ZFHX3: variants seen among roughly 807,000 people sequenced by gnomAD.
The protein encoded by ZFHX3 is zinc finger homeobox 3, also known as zinc finger homeobox protein 3.
ZFHX3 carries 42 observed loss-of-function variants against 279.1 expected under a neutral mutation model. That is an observed-to-expected ratio of 0.15 (90% CI 0.12 to 0.19). The LOEUF is 0.19. Among genes scored for constraint, ZFHX3 ranks in the 10% least tolerant of loss-of-function variants. The probability of loss-of-function intolerance (pLI) is 1.00; values close to 1 mark genes in which losing one functional copy is unlikely to be tolerated. For missense variants in ZFHX3, 4,981 were observed against 4,754.0 expected, an observed-to-expected ratio of 1.05 and a Z score of -1.40; for synonymous variants, 2,293 against 1,957.8, an observed-to-expected ratio of 1.17 and a Z score of -4.52.
intron 1 of ZFHX3, among the ~76,000 whole-genome samples, chr16:72,978,535 G>C (rs1962453116): frequency 6.6e-6 from 1 of 152,108 alleles, no homozygotes; most frequent in African/African-American, 2.4e-5. Context: ...CTTCCTCTGG[G>C]CTAAGTCCAC....
At chr16:73,434,572 A>C (rs138336089) in intron 3 of ZFHX3, among the ~76,000 whole-genome samples, 2,472 of 151,848 alleles carry the variant, frequency 0.016, 27 homozygotes, top group Middle Eastern at 0.037. Context: ...ACCCCTTTCC[A>C]CTTGACTTTG....
At chr16:73,264,883 T>C (rs1194769492) in intron 4 of ZFHX3, among the ~76,000 whole-genome samples, 1 of 152,078 alleles carries the variant, frequency 6.6e-6, no homozygotes, top group Non-Finnish European at 1.5e-5. Context: ...TCCAATCCCA[T>C]CCAGGTTGCT....
chr16:73,505,860 C>T (rs2143675253), intron 2 of ZFHX3, among the ~76,000 whole-genome samples: 1 of 152,350 alleles, frequency 6.6e-6, no homozygotes, highest in Middle Eastern at 3.4e-3. Context: ...TGAATAGGCT[C>T]ATGAGAGCAG....
intron 3 of ZFHX3, among the ~76,000 whole-genome samples, chr16:73,437,988 G>A (rs996696598): frequency 6.6e-6 from 1 of 151,946 alleles, no homozygotes; most frequent in African/African-American, 2.4e-5. Context: ...CAACATCAGT[G>A]TTCAACTTTT....
At chr16:73,598,009 G>A (rs1311090391) in intron 2 of ZFHX3, among the ~76,000 whole-genome samples, 2 of 152,154 alleles carry the variant, frequency 1.3e-5, no homozygotes, top group Non-Finnish European at 2.9e-5. Context: ...GGGATGGTCA[G>A]TAATGGCTCC....
At chr16:73,792,843 G>A (rs1959868355) in intron 1 of ZFHX3, among the ~76,000 whole-genome samples, 1 of 148,900 alleles carries the variant, frequency 6.7e-6, no homozygotes, top group East Asian at 2.0e-4. Flanking sequence ...TTTGGCCCTT[G>A]ACCATACAGT....
At chr16:73,872,465 C>T (rs1162293516) in intron 1 of ZFHX3, among the ~76,000 whole-genome samples, 2 of 151,806 alleles carry the variant, frequency 1.3e-5, no homozygotes, top group African/African-American at 4.8e-5. Flanking sequence ...GAACTCCTGG[C>T]CTCAAGTGAC....
chr16:73,421,225 G>A (rs1015478562), intron 3 of ZFHX3: 4 of 152,140 alleles, frequency 2.6e-5, no homozygotes, highest in Non-Finnish European at 5.9e-5. Flanking sequence ...AAATGATACT[G>A]AAAAAATGCA....
At chr16:73,060,043 CCTG>C, upstream of ZFHX3, among the ~76,000 whole-genome samples, 1 of 151,976 alleles carries the variant, frequency 6.6e-6, no homozygotes, top group Non-Finnish European at 1.5e-5. Flanking sequence ...TCGTGTGAAA[CCTG>C]GAAAGCAGAT....
chr16:73,415,879 GGAGGCC>G (rs2017562488), intron 3 of ZFHX3, among the ~76,000 whole-genome samples: 1 of 152,132 alleles, frequency 6.6e-6, no homozygotes, highest in South Asian at 2.1e-4. Flanking sequence ...CAGCACTTTG[GGAGGCC>G]AAGGTTGGTG....
At chr16:73,002,369 A>G (rs893380772) in intron 1 of ZFHX3, among the ~76,000 whole-genome samples, 9 of 152,088 alleles carry the variant, frequency 5.9e-5, no homozygotes, top group Non-Finnish European at 1.2e-4. Context: ...CTGCCCCCTA[A>G]GTCCTTCCAC....
chr16:73,749,697 GC>G (rs1233091294), intron 1 of ZFHX3, among the ~76,000 whole-genome samples: 1 of 152,180 alleles, frequency 6.6e-6, no homozygotes, highest in African/African-American at 2.4e-5. Context: ...GGACACCAAT[GC>G]CACGTGCACT....
rs572426906 is a variant in ZFHX3 at position 73,080,662 on chromosome 16, C to A, written c.-533+12573G>T. 7.2e-5 allele frequency among the ~76,000 whole-genome samples: 11 copies of A among 152,162 alleles called. No homozygotes were observed. In the South Asian group the frequency reaches 2.1e-3, roughly 29 times the overall value. On this transcript the variant is annotated intron_variant, in intron 8 of 17. Coordinates refer to the ZFHX3 transcript ENST00000641206. ...GATCAGAGCTCACTGCAGCCTCAAA[C>A]TCCTGGGCTCAAATGATCCTTCCAC... is the stretch of plus-strand genomic sequence containing the variant.
At chr16:73,793,758 G>A (rs780428427) in intron 1 of ZFHX3, among the ~76,000 whole-genome samples, 1 of 152,166 alleles carries the variant, frequency 6.6e-6, no homozygotes, top group Non-Finnish European at 1.5e-5. Context: ...AAGAGGAGGA[G>A]GAGTCCCGAC....
intron 1 of ZFHX3, among the ~76,000 whole-genome samples, chr16:73,029,618 G>GCCAA (rs1343166770): frequency 1.3e-5 from 2 of 152,144 alleles, no homozygotes; most frequent in East Asian, 3.9e-4. Flanking sequence ...TCTTCCCAAA[G>GCCAA]CCAACCACAT....
At chr16:73,743,408 C>T (rs1387004868) in intron 1 of ZFHX3, among the ~76,000 whole-genome samples, 2 of 152,176 alleles carry the variant, frequency 1.3e-5, no homozygotes, top group East Asian at 3.9e-4. Flanking sequence ...TATTTGAACG[C>T]TTATGGAAGC....
chr16:73,009,404 A>G (rs2144618473), intron 1 of ZFHX3, among the ~76,000 whole-genome samples: 2 of 152,282 alleles, frequency 1.3e-5, no homozygotes, highest in South Asian at 4.1e-4. Context: ...ATGTAATTGC[A>G]AACACCACCA....
intron 1 of ZFHX3, among the ~76,000 whole-genome samples, chr16:73,018,354 T>C (rs1032722446): frequency 3.4e-5 from 5 of 148,604 alleles, no homozygotes; most frequent in African/African-American, 1.2e-4. Context: ...ACGCCTGTCA[T>C]CCCAACACTT....
At chr16:73,560,151 C>G (rs536470152) in intron 2 of ZFHX3, among the ~76,000 whole-genome samples, 1 of 152,234 alleles carries the variant, frequency 6.6e-6, no homozygotes, top group East Asian at 1.9e-4. Context: ...GGTTTTTGCA[C>G]CAAATGTTAA....
Sources: allele counts gnomAD v4.1 joint callset (sites outside exome capture counted in the v4.1 genomes callset), GRCh38; gene constraint gnomAD v4.1.1; transcripts MANE v1.5; gene names NCBI Gene and HGNC (gene_info 2026-07-23, HGNC 2026-07-21).